INPP4B: variants seen among roughly 807,000 people sequenced by gnomAD.
The protein encoded by INPP4B is inositol polyphosphate 4-phosphatase type II.
INPP4B carries 55 observed loss-of-function variants against 122.5 expected under a neutral mutation model. That is an observed-to-expected ratio of 0.45 (90% CI 0.36 to 0.56). The LOEUF (loss-of-function observed/expected upper bound fraction) is 0.56, where lower values mean the gene tolerates loss of function less well. Ranked by LOEUF, INPP4B falls within the 20% of genes least tolerant of loss-of-function variation. INPP4B has a pLI of 0.00. For synonymous variants in INPP4B, 403 were observed against 388.7 expected, an observed-to-expected ratio of 1.04 and a Z score of -0.43; for missense variants, 1,000 against 1,097.7, an observed-to-expected ratio of 0.91 and a Z score of 1.26.
At chr4:142,232,856 A>T (rs1855003333) in intron 12 of INPP4B, among the ~76,000 whole-genome samples, 2 of 152,188 alleles carry the variant, frequency 1.3e-5, no homozygotes, top group African/African-American at 4.8e-5. Flanking sequence ...GAAAGTTTTG[A>T]GTTTTCTGGA....
chr4:142,795,453 G>GT (rs909666535), intron 1 of INPP4B: 9 of 151,874 alleles, frequency 5.9e-5, no homozygotes, highest in African/African-American at 2.2e-4. Context: ...ATATTTTATA[G>GT]TTTTTTGTTG....
chr4:142,794,527 T>TA (rs1776974189), intron 1 of INPP4B, among the ~76,000 whole-genome samples: 2 of 151,832 alleles, frequency 1.3e-5, no homozygotes. Context: ...TTTACAATTT[T>TA]AAAAAAACAA....
intron 10 of INPP4B, among the ~76,000 whole-genome samples, chr4:142,263,636 TAA>T (rs1235081808): frequency 8.2e-5 from 3 of 36,662 alleles, no homozygotes; most frequent in Middle Eastern, 0.029. Context: ...GATAAATTCG[TAA>T]AATATATATA....
intron 2 of INPP4B, chr4:142,583,587 T>C (rs1735563154): frequency 6.6e-6 from 1 of 152,090 alleles, no homozygotes; most frequent in East Asian, 1.9e-4. Flanking sequence ...CCTGAGCAAC[T>C]ATGTAAATGC....
chr4:142,324,615 T>A (rs1771644717), intron 7 of INPP4B, among the ~76,000 whole-genome samples: 1 of 152,074 alleles, frequency 6.6e-6, no homozygotes, highest in South Asian at 2.1e-4. Context: ...AACCTTGATA[T>A]TCAGACTTCT....
chr4:142,052,786 T>C (rs1195248947), intron 25 of INPP4B, among the ~76,000 whole-genome samples: 1 of 152,066 alleles, frequency 6.6e-6, no homozygotes, highest in African/African-American at 2.4e-5. Flanking sequence ...CTTACTAAAA[T>C]GGTATTTGGG....
intron 2 of INPP4B, among the ~76,000 whole-genome samples, chr4:142,638,368 G>A (rs1006135536): frequency 1.3e-5 from 2 of 152,008 alleles, no homozygotes; most frequent in Non-Finnish European, 2.9e-5. Context: ...AAATTTTCAT[G>A]AACGGTATAA....
intron 2 of INPP4B, among the ~76,000 whole-genome samples, chr4:142,620,423 T>C (rs1036719642): frequency 2.0e-5 from 3 of 152,092 alleles, no homozygotes; most frequent in Admixed American, 2.0e-4. Flanking sequence ...AAATACTGCA[T>C]GCTCTCACTT....
At position 142,603,231 on chromosome 4, in the gene INPP4B, G is replaced by C. The variant is rs114447461; in HGVS notation, c.-191+122608C>G. Among the ~76,000 whole-genome samples the C allele has an allele frequency of 2.0e-3, 297 of 152,170 alleles. 4 individuals are homozygous for C. The highest frequency in any genetic ancestry group is 6.8e-3 in the African/African-American group (283 of 41,510). ...AACACACATTGGGGCCTGTCAGAGA[G>C]GGGTGTGGGGGGAGGGAGAACATCA... On this transcript the variant is annotated intron_variant, in intron 2 of 25. Transcript: ENST00000262992.
At chr4:142,510,315 C>T (rs181360995) in intron 2 of INPP4B, among the ~76,000 whole-genome samples, 150 of 152,300 alleles carry the variant, frequency 9.8e-4, no homozygotes, top group African/African-American at 3.5e-3. Flanking sequence ...TTAGCCTATA[C>T]TCTCCCTAGA....
chr4:142,147,193 T>C (rs2152848568), intron 17 of INPP4B, among the ~76,000 whole-genome samples: 1 of 152,264 alleles, frequency 6.6e-6, no homozygotes. Context: ...GAGTACCACT[T>C]AATGTAAAGA....
intron 3 of INPP4B, among the ~76,000 whole-genome samples, chr4:142,451,465 G>A (rs1250346139): frequency 6.6e-6 from 1 of 151,750 alleles, no homozygotes; most frequent in African/African-American, 2.4e-5. Context: ...TGGCCAGGCT[G>A]GTCTCAAACT....
intron 7 of INPP4B, among the ~76,000 whole-genome samples, chr4:142,401,243 C>A (rs1362106678): frequency 6.6e-6 from 1 of 152,082 alleles, no homozygotes; most frequent in African/African-American, 2.4e-5. Flanking sequence ...TTCTCTCTCT[C>A]CTCTGGCAAA....
intron 2 of INPP4B, among the ~76,000 whole-genome samples, chr4:142,515,496 T>C (rs1370587213): frequency 6.6e-6 from 1 of 152,124 alleles, no homozygotes; most frequent in Non-Finnish European, 1.5e-5. Flanking sequence ...AGTCCAGAAC[T>C]CTGCACTTGA....
chr4:142,406,808 C>A (rs1290642980), intron 5 of INPP4B, among the ~76,000 whole-genome samples: 1 of 152,132 alleles, frequency 6.6e-6, no homozygotes, highest in Non-Finnish European at 1.5e-5. Context: ...CTCTCTATTC[C>A]TTAAAATGGT....
chr4:142,347,757 C>T (rs1343139522), intron 7 of INPP4B, among the ~76,000 whole-genome samples: 4 of 151,568 alleles, frequency 2.6e-5, no homozygotes, highest in Non-Finnish European at 4.4e-5. Context: ...ATAGAGATTG[C>T]ACTAGGTAAA....
chr4:142,501,900 C>T (rs1823422370), intron 2 of INPP4B, among the ~76,000 whole-genome samples: 1 of 152,084 alleles, frequency 6.6e-6, no homozygotes, highest in South Asian at 2.1e-4. Context: ...TTTTAGAAGC[C>T]TTTGTGCTCC....
intron 7 of INPP4B, among the ~76,000 whole-genome samples, chr4:142,331,433 T>G (rs1357141454): frequency 6.6e-6 from 1 of 152,118 alleles, no homozygotes; most frequent in African/African-American, 2.4e-5. Flanking sequence ...TGAACCTGGC[T>G]GCAACTGGCA....
At chr4:142,750,914 A>G (rs1387285484) in intron 1 of INPP4B, among the ~76,000 whole-genome samples, 2 of 152,156 alleles carry the variant, frequency 1.3e-5, no homozygotes, top group African/African-American at 4.8e-5. Flanking sequence ...ACCTAGAAAC[A>G]GGTAGACTAA....
Sources: gnomAD v4.1 joint callset for allele counts (sites outside exome capture counted in the v4.1 genomes callset) on GRCh38, gnomAD v4.1.1 for gene constraint, MANE v1.5 for transcripts, NCBI Gene and HGNC (gene_info 2026-07-23, HGNC 2026-07-21) for gene names.